Variants in LMBRD2 observed in about 807,000 individuals in gnomAD.
LMBRD2 encodes G protein-coupled receptor-associated protein LMBRD2.
In LMBRD2, 55 loss-of-function variants were observed where a neutral mutation model predicts 94.4. The observed-to-expected ratio is 0.58, with a 90% CI of 0.47 to 0.73. The LOEUF is 0.73. Among genes scored for constraint, LMBRD2 ranks in the 30% least tolerant of loss-of-function variants. The pLI is 0.00. For missense variants in LMBRD2, 640 were observed against 831.9 expected (o/e 0.77, Z 2.84); for synonymous variants, 246 against 272.4 (o/e 0.90, Z 0.95).
At chr5:36,130,468 C>G in intron 6 of LMBRD2, among the ~76,000 whole-genome samples, 1 of 151,776 alleles carries the variant, frequency 6.6e-6, no homozygotes, top group Admixed American at 6.6e-5. Flanking sequence ...TAAAACATAC[C>G]ACCAGAGAAA....
chr5:36,143,513 G>C, intron 1 of LMBRD2, 107 bp from the exon 2 acceptor site: 4 of 460,248 alleles, frequency 8.7e-6, no homozygotes, highest in Non-Finnish European at 1.5e-5. Flanking sequence ...CAACTCTTTG[G>C]AGAAATGTCA....
intron 3 of LMBRD2, among the ~76,000 whole-genome samples, chr5:36,141,878 A>G (rs77816579): frequency 0.032 from 4,797 of 152,238 alleles, 262 homozygotes; most frequent in African/African-American, 0.11. Flanking sequence ...TGGAAGTAAC[A>G]CCTGCATTTT....
chr5:36,127,648 G>A (rs983606446), intron 6 of LMBRD2, among the ~76,000 whole-genome samples: 1 of 152,178 alleles, frequency 6.6e-6, no homozygotes, highest in Non-Finnish European at 1.5e-5. Context: ...TTGTGGCCCT[G>A]GGGCAGTAGT....
At position 36,145,840 on chromosome 5, in the gene LMBRD2, TA is replaced by T. The variant is rs971940139; in HGVS notation, c.-57-2435del. Among the ~76,000 whole-genome samples the T allele has an allele frequency of 5.7e-3, 873 of 152,340 alleles. 8 individuals are homozygous for T. Among genetic ancestry groups the T allele is most frequent in the African/African-American group, 0.02 (835 of 41,576 alleles). ...TTGTAGTATAAGAAATAATGTTTGTTAAGATTATTTAATAACATCAGAAAAT... is the reference window on the plus strand; with the variant it reads ...TTGTAGTATAAGAAATAATGTTTGTTAGATTATTTAATAACATCAGAAAAT... On this transcript the variant is annotated intron_variant, in intron 1 of 17. Transcript: ENST00000296603.
chr5:36,137,388 G>A lies in LMBRD2; in HGVS notation c.422C>T (p.Thr141Ile). 6.2e-7 allele frequency: 1 copy of A among 1,601,886 alleles called. No individual in the cohort carries two copies. The highest frequency in any genetic ancestry group is 1.1e-5 in the South Asian group (1 of 89,424). ...SYARSGGFSI[T>I]GKIKTALIEN... is the part of the protein sequence containing the mutation. ...AATTAGTGCAGTTTTGATCTTTCCA[G>A]TGATGGAAAACCCTCCTGATCTTGC... Residue 141 changes from threonine to isoleucine, a missense_variant, in exon 5 of 18, where the codon ACT (threonine) becomes ATT (isoleucine). Transcript: ENST00000296603.
chr5:36,134,952 G>A (rs1358381911), intron 6 of LMBRD2, among the ~76,000 whole-genome samples: 1 of 152,156 alleles, frequency 6.6e-6, no homozygotes, highest in Non-Finnish European at 1.5e-5. Context: ...GAAAGACAAT[G>A]TGTGTAATAA....
chr5:36,115,183 T>C, intron 11 of LMBRD2, 63 bp from the exon 12 acceptor site: 1 of 907,200 alleles, frequency 1.1e-6, no homozygotes, highest in Non-Finnish European at 1.7e-6. Flanking sequence ...TTTTATAGTA[T>C]ACTGAGATGT....
In LMBRD2 at chr5:36,138,837, G is replaced by A. The variant is rs142263838; in HGVS notation, c.369-1396C>T. Among the ~76,000 whole-genome samples the A allele has an allele frequency of 6.8e-4, 103 of 152,322 alleles. 1 individual carries two copies. Among genetic ancestry groups the A allele is most frequent in the African/African-American group, 1.7e-3 (69 of 41,576 alleles). On this transcript the variant is annotated intron_variant, in intron 4 of 17. Coordinates refer to ENST00000296603, the MANE Select transcript of LMBRD2 (RefSeq NM_001007527.2). ...AAGATGAGAGAAATGTGCATGCTTC[G>A]TTGAAATTGAAAGCTACAAGTATGT...
intron 1 of LMBRD2, chr5:36,147,941 T>G (rs1347702384): frequency 2.6e-6 from 1 of 383,902 alleles, no homozygotes. Flanking sequence ...ACTGTTAACT[T>G]AAATATCTGA....
chr5:36,121,921 A>G (rs1380993423), intron 9 of LMBRD2, among the ~76,000 whole-genome samples: 1 of 152,222 alleles, frequency 6.6e-6, no homozygotes, highest in East Asian at 1.9e-4. Flanking sequence ...GGTTTAGTAC[A>G]TACCCTATGA....
chr5:36,111,237 A>G lies in LMBRD2; in HGVS notation c.1662T>C (p.Asn554=). ...TYFSLGTRCL[N]LLGFQQFMGD... ...CCATAAACTGCTGGAAACCGAGCAG[A>G]TTCAAACAACGGGTTCCCAAACTAA... is the stretch of plus-strand genomic sequence containing the variant. The change falls in exon 14 of 18, where the codon AAT becomes AAC. Residue 554 remains asparagine (N), a synonymous_variant. Transcript: ENST00000296603. The G allele has an allele frequency of 6.2e-7, 1 of 1,611,510 alleles. No homozygotes were observed. The highest frequency in any genetic ancestry group is 1.1e-5 in the South Asian group (1 of 90,850).
intron 1 of LMBRD2, among the ~76,000 whole-genome samples, chr5:36,146,941 AGTGTGTGTGTGTGTGT>A (rs371000455): frequency 2.2e-5 from 3 of 139,370 alleles, no homozygotes; most frequent in Admixed American, 2.1e-4. Context: ...TGTGTGTGTG[AGTGTGTGTGTGTGTGT>A]GTGTGTGTGT....
rs781372166 is a variant in LMBRD2, at chr5:36,102,223, C to G, written c.*1823G>C. 6.6e-6 allele frequency: 1 copy of G among 151,850 alleles called. No homozygotes were observed. The highest frequency in any genetic ancestry group is 1.5e-5 in the Non-Finnish European group (1 of 67,804). The allele number at this position is 151,850 out of a possible 1,614,324, so 9.4% of individuals were successfully genotyped here. A position where few individuals can be genotyped will look rare whatever the true frequency, so the allele number is the denominator to read the frequency against. ...CTAGGAAAAATAGCACAGTTATAAACTCCAGTACATAAACACCAATTCAAC... is the reference window on the plus strand; with the variant it reads ...CTAGGAAAAATAGCACAGTTATAAAGTCCAGTACATAAACACCAATTCAAC... On this transcript the variant is annotated 3_prime_UTR_variant, in exon 18 of 18. Coordinates refer to ENST00000296603, the MANE Select transcript of LMBRD2 (RefSeq NM_001007527.2).
chr5:36,120,129 G>A (rs781583704), intron 9 of LMBRD2, among the ~76,000 whole-genome samples: 2 of 150,252 alleles, frequency 1.3e-5, no homozygotes, highest in Non-Finnish European at 3.0e-5. Flanking sequence ...TGCAATCTTG[G>A]CTCACTGCAA....
intron 2 of LMBRD2, 164 bp from the exon 3 acceptor site, chr5:36,142,763 C>T (rs1393422688): frequency 1.1e-5 from 5 of 451,218 alleles, no homozygotes; most frequent in South Asian, 1.1e-4. Flanking sequence ...CTCACTCTGT[C>T]GCCCAGGCTG....
chr5:36,138,698 T>C (rs1744331446), intron 4 of LMBRD2, among the ~76,000 whole-genome samples: 1 of 152,240 alleles, frequency 6.6e-6, no homozygotes, highest in Non-Finnish European at 1.5e-5. Flanking sequence ...TACGAACTTA[T>C]GCTTCAATTT....
chr5:36,140,692 G>A (rs1180204178), intron 4 of LMBRD2, among the ~76,000 whole-genome samples: 2 of 152,106 alleles, frequency 1.3e-5, no homozygotes, highest in Non-Finnish European at 1.5e-5. Context: ...TTGTTGTTAG[G>A]GAGCACAAGA....
intron 1 of LMBRD2, among the ~76,000 whole-genome samples, chr5:36,143,635 A>C (rs551836041): frequency 9.2e-5 from 14 of 152,302 alleles, no homozygotes; most frequent in Admixed American, 7.8e-4. Context: ...TATTTTCAAA[A>C]ACTTAACAAA....
At chr5:36,124,484 C>T (rs1743964714) in intron 6 of LMBRD2, among the ~76,000 whole-genome samples, 1 of 152,020 alleles carries the variant, frequency 6.6e-6, no homozygotes, top group Admixed American at 6.6e-5. Context: ...TCTAGATTCA[C>T]TCTCTCATCA....
Sources: gnomAD v4.1 joint callset for allele counts (sites outside exome capture counted in the v4.1 genomes callset) on GRCh38, gnomAD v4.1.1 for gene constraint, MANE v1.5 for transcripts, NCBI Gene and HGNC (gene_info 2026-07-23, HGNC 2026-07-21) for gene names.